Variants in PREX2 observed in about 807,000 individuals in gnomAD.
The protein encoded by PREX2 is phosphatidylinositol 3,4,5-trisphosphate-dependent Rac exchanger 2 protein.
PREX2 carries 107 observed loss-of-function variants against 203.2 expected under a neutral mutation model. The ratio of observed to expected loss-of-function variants is 0.53; its 90% CI spans 0.45 to 0.62. PREX2 has a LOEUF of 0.62. PREX2 is among the 20% of genes least tolerant of loss of function. PREX2 has a pLI of 0.00. For synonymous variants in PREX2, 672 were observed against 663.6 expected, an observed-to-expected ratio of 1.01 and a Z score of -0.19; for missense variants, 1,777 against 1,955.9, an observed-to-expected ratio of 0.91 and a Z score of 1.72.
intron 6 of PREX2, among the ~76,000 whole-genome samples, chr8:68,032,129 A>G (rs982380514): frequency 7.9e-5 from 12 of 152,324 alleles, no homozygotes; most frequent in African/African-American, 2.4e-4. Flanking sequence ...GTAGCCCACA[A>G]CCGAGGGTGC....
intron 22 of PREX2, among the ~76,000 whole-genome samples, chr8:68,098,938 G>GTGTA (rs1352978343): frequency 1.7e-3 from 190 of 109,800 alleles, no homozygotes; most frequent in African/African-American, 5.5e-3. Context: ...ATATATATGT[G>GTGTA]TATATATATA....
intron 1 of PREX2, among the ~76,000 whole-genome samples, chr8:67,976,560 GAGAC>G (rs141227822): frequency 1.5e-5 from 1 of 68,678 alleles, no homozygotes; most frequent in Non-Finnish European, 3.4e-5. Context: ...CAGAGAGAGA[GAGAC>G]AGAGACAGAG....
At chr8:68,059,716 T>C (rs1404761519) in intron 10 of PREX2, among the ~76,000 whole-genome samples, 1 of 152,134 alleles carries the variant, frequency 6.6e-6, no homozygotes, top group African/African-American at 2.4e-5. Flanking sequence ...CAGACGGGGC[T>C]CTTAGATTGA....
chr8:68,076,874 G>T (rs1286661391), intron 14 of PREX2, among the ~76,000 whole-genome samples: 1 of 151,842 alleles, frequency 6.6e-6, no homozygotes. Flanking sequence ...TGAAAGAGAA[G>T]CTTGTATTTG....
intron 10 of PREX2, among the ~76,000 whole-genome samples, chr8:68,057,648 C>T (rs1156596317): frequency 6.6e-6 from 1 of 152,188 alleles, no homozygotes; most frequent in African/African-American, 2.4e-5. Context: ...AGCAAAACGA[C>T]AGTATCTCTT....
intron 27 of PREX2, 75 bp downstream of exon 27, chr8:68,118,719 G>T (rs561312032): frequency 9.6e-7 from 1 of 1,045,030 alleles, no homozygotes; most frequent in Non-Finnish European, 1.5e-6. Context: ...TTTTAATTTC[G>T]TAGATCCATA....
At chr8:68,211,162 T>G (rs1237946495) in intron 37 of PREX2, among the ~76,000 whole-genome samples, 1 of 152,074 alleles carries the variant, frequency 6.6e-6, no homozygotes, top group Non-Finnish European at 1.5e-5. Flanking sequence ...ATATCTAAGA[T>G]CAACTGGGAC....
At chr8:68,215,881 G>A (rs536345204) in intron 37 of PREX2, among the ~76,000 whole-genome samples, 1 of 152,194 alleles carries the variant, frequency 6.6e-6, no homozygotes, top group South Asian at 2.1e-4. Flanking sequence ...TTACTGCTTG[G>A]CCTTCATTGG....
chr8:68,163,573 G>A (rs867991500), intron 35 of PREX2, among the ~76,000 whole-genome samples: 3 of 152,184 alleles, frequency 2.0e-5, no homozygotes, highest in Admixed American at 1.3e-4. Flanking sequence ...TTAAGGAACA[G>A]GGTCAACAAA....
chr8:68,097,249 A>G (rs369617010), intron 22 of PREX2, 48 bp downstream of exon 22: 53 of 1,473,082 alleles, frequency 3.6e-5, no homozygotes, highest in Middle Eastern at 1.8e-4. Flanking sequence ...AAATAAAGGA[A>G]CTGAAATCCT....
rs1016962538 is a variant in PREX2, at chr8:68,224,419, C to T, written c.4708-140C>T. 42 of 663,322 alleles carry T rather than the reference C, an allele frequency of 6.3e-5. 1 individual carries two copies. The highest frequency in any genetic ancestry group is 3.5e-4 in the Middle Eastern group (1 of 2,892). 41.1% of individuals were successfully genotyped at this position (663,322 alleles called of 1,614,324 possible). ...ATTGATTTTGAAAATGCTCAGACAG[C>T]GATGTCTGTCTTTCTCTTAGCTAAT... On this transcript the variant is annotated intron_variant, in intron 38 of 39. Transcript: ENST00000288368.
intron 37 of PREX2, among the ~76,000 whole-genome samples, chr8:68,205,430 G>A (rs895443594): frequency 5.3e-5 from 8 of 152,040 alleles, no homozygotes; most frequent in South Asian, 2.1e-4. Context: ...CAAGACTTTC[G>A]CTTGTCACCA....
At chr8:68,034,686 G>A (rs912375379) in intron 6 of PREX2, among the ~76,000 whole-genome samples, 8 of 152,168 alleles carry the variant, frequency 5.3e-5, no homozygotes, top group African/African-American at 1.9e-4. Context: ...CAGTGCTACG[G>A]GACCATTTAA....
chr8:67,987,912 A>AGTGTGT (rs71253049), intron 1 of PREX2, among the ~76,000 whole-genome samples: 6 of 150,796 alleles, frequency 4.0e-5, no homozygotes, highest in Non-Finnish European at 8.9e-5. Context: ...GCAGCCAGGG[A>AGTGTGT]GTGTGTGTGT....
intron 33 of PREX2, among the ~76,000 whole-genome samples, chr8:68,140,665 G>A (rs1276883484): frequency 2.0e-5 from 3 of 151,512 alleles, no homozygotes; most frequent in Non-Finnish European, 4.4e-5. Flanking sequence ...ATCCAGGTCC[G>A]AATCTTGGCT....
intron 8 of PREX2, among the ~76,000 whole-genome samples, chr8:68,051,696 A>T (rs977994076): frequency 5.3e-5 from 8 of 152,164 alleles, no homozygotes; most frequent in African/African-American, 1.9e-4. Flanking sequence ...TTTGTGTAGG[A>T]TGGGAACATG....
At chr8:68,115,021 CTTTTTTT>C (rs5892137) in intron 25 of PREX2, among the ~76,000 whole-genome samples, 5 of 86,866 alleles carry the variant, frequency 5.8e-5, no homozygotes, top group Non-Finnish European at 8.2e-5. Flanking sequence ...TCTTTTCTTT[CTTTTTTT>C]TTTTTTTTTT....
chr8:68,079,523 A>G (rs1952550146), intron 15 of PREX2, among the ~76,000 whole-genome samples: 1 of 152,186 alleles, frequency 6.6e-6, no homozygotes, highest in African/African-American at 2.4e-5. Flanking sequence ...CAGACCTGGA[A>G]GTTAAATTCA....
At chr8:68,016,040 G>C (rs1807400735) in intron 1 of PREX2, among the ~76,000 whole-genome samples, 2 of 152,242 alleles carry the variant, frequency 1.3e-5, no homozygotes, top group African/African-American at 4.8e-5. Flanking sequence ...GAATAAATGT[G>C]GTTCTGAAGG....
Sources: allele counts gnomAD v4.1 joint callset (sites outside exome capture counted in the v4.1 genomes callset), GRCh38; gene constraint gnomAD v4.1.1; transcripts MANE v1.5; gene names NCBI Gene and HGNC (gene_info 2026-07-23, HGNC 2026-07-21).